Variants in PHKA2 observed in about 807,000 individuals in gnomAD.
PHKA2 encodes phosphorylase kinase regulatory subunit alpha 2, also known as phosphorylase b kinase regulatory subunit alpha, liver isoform.
Under a neutral mutation model 102.0 loss-of-function variants are expected in PHKA2, and 31 were observed. The ratio of observed to expected loss-of-function variants is 0.30; its 90% CI spans 0.23 to 0.41. The LOEUF (loss-of-function observed/expected upper bound fraction) is 0.41. Ranked by LOEUF, PHKA2 falls within the 10% of genes least tolerant of loss-of-function variation. The probability of loss-of-function intolerance (pLI) is 1.00; values close to 1 mark genes in which losing one functional copy is unlikely to be tolerated. For missense variants in PHKA2, 858 were observed against 1,023.1 expected, an observed-to-expected ratio of 0.84 and a Z score of 2.20; for synonymous variants, 455 against 416.2, an observed-to-expected ratio of 1.09 and a Z score of -1.13.
At chrX:18,899,960 G>T (rs1308358367) in intron 28 of PHKA2, among the ~76,000 whole-genome samples, 5 of 111,810 alleles carry the variant, frequency 4.5e-5, no homozygotes, top group African/African-American at 1.6e-4. Context: ...AAATAGAGGC[G>T]GAAGGAACCA....
In PHKA2 at chrX:18,899,082, C is replaced by G. The variant is rs188626552; in HGVS notation, c.3111+91G>C. 1.3e-5 allele frequency: 10 copies of G among 786,208 alleles called. 1 individual carries two copies. The African/African-American group carries it at 2.0e-4, about 16-fold the overall frequency. The allele number at this position is 786,208 out of a possible 1,213,427, so 64.8% of individuals were successfully genotyped here. A position where few individuals can be genotyped will look rare whatever the true frequency, so the allele number is the denominator to read the frequency against. On this transcript the variant is annotated intron_variant, in intron 29 of 32. Transcript: ENST00000379942. ...CCGCTGAAAACACTTCAGCCCTGCT[C>G]GAATCCTCAGAAGTTGGGCATGAGG...
intron 9 of PHKA2, among the ~76,000 whole-genome samples, chrX:18,939,525 A>G (rs1301900072): frequency 9.0e-6 from 1 of 111,440 alleles, no homozygotes; most frequent in Non-Finnish European, 1.9e-5. Context: ...ACGGAGTCTC[A>G]TTCTGTCACC....
rs1370196764 is a variant in PHKA2, at chrX:18,954,316, T to C, written c.175A>G (p.Met59Val). Residue 59 changes from methionine to valine, a missense_variant, in exon 2 of 33, where the codon ATG becomes GTG. This residue lies in a region of PHKA2 where 187 missense variants were observed against 277.9 expected (regional missense o/e 0.67). Coordinates refer to ENST00000379942, the MANE Select transcript of PHKA2 (RefSeq NM_000292.3). ...YSILAVWGLG[M>V]AYRKNADRDE... is the part of the protein sequence containing the mutation. ...CGGTCTGCATTCTTACGGTAGGCCATGCCCAGGCCCCACACGGCCAGGATA... is the reference window on the plus strand; with the variant it reads ...CGGTCTGCATTCTTACGGTAGGCCACGCCCAGGCCCCACACGGCCAGGATA... The C allele has an allele frequency of 8.3e-7, 1 of 1,210,182 alleles. No homozygotes were observed. The highest frequency in any genetic ancestry group is 1.7e-5 in the African/African-American group (1 of 57,379).
At chrX:18,931,513 G>T in intron 12 of PHKA2, 128 bp downstream of exon 12, 1 of 570,299 alleles carries the variant, frequency 1.8e-6, no homozygotes, top group Non-Finnish European at 3.1e-6. Context: ...CGGTCCAGTT[G>T]ACCTTAAACG....
Position 18,945,082 on chromosome X carries a change from G to A in PHKA2, c.614C>T (p.Ala205Val), listed in dbSNP as rs1227182948. ...AACAAACAGGACAACTGTCACCTTGGCCATTCCTACGGAGCTTGCATTCAA... is the reference window on the plus strand; with the variant it reads ...AACAAACAGGACAACTGTCACCTTGACCATTCCTACGGAGCTTGCATTCAA... Reference protein sequence around the residue: ...PELNASSVGMAKAALEAIDEL... With the variant: ...PELNASSVGMVKAALEAIDEL... The change falls in exon 6 of 33, where the codon GCC becomes GTC. Residue 205 changes from alanine (A) to valine (V), a missense_variant. Ala to Val is a moderately conservative substitution (Grantham distance 64). Transcript: ENST00000379942. 8.5e-7 allele frequency: 1 copy of A among 1,175,164 alleles called. No individual in the cohort carries two copies. The highest frequency in any genetic ancestry group is 1.2e-6 in the Non-Finnish European group (1 of 862,013).
At chrX:18,973,169 T>C (rs1417496571) in intron 1 of PHKA2, among the ~76,000 whole-genome samples, 1 of 111,059 alleles carries the variant, frequency 9.0e-6, no homozygotes, top group Non-Finnish European at 1.9e-5. Flanking sequence ...CATCACATCC[T>C]AATTTTTGTA....
chrX:18,907,239 C>A (rs1317716350), intron 22 of PHKA2, 142 bp from the exon 23 acceptor site: 4 of 535,377 alleles, frequency 7.5e-6, no homozygotes, highest in Non-Finnish European at 1.3e-5. Context: ...TGCCCTTGAT[C>A]TGAAAAATTC....
Position 18,910,880 on chromosome X carries a change from G to A in PHKA2, c.2218C>T (p.Leu740=). The A allele has an allele frequency of 1.7e-6, 2 of 1,174,976 alleles. No individual in the cohort carries two copies. Among genetic ancestry groups the A allele is most frequent in the South Asian group, 3.6e-5 (2 of 56,160 alleles). ...TGTTCCATATACTTTACCTTTTCTA[G>A]GAGTGGCTGAGGAGAATCAACAAGA... ...LNLVDSPQPL[L]EKVPESDFQW... Residue 740 remains leucine (L), a synonymous_variant, in exon 20 of 33, where the codon CTA becomes TTA. Coordinates refer to ENST00000379942, the MANE Select transcript of PHKA2 (RefSeq NM_000292.3).
intron 7 of PHKA2, among the ~76,000 whole-genome samples, chrX:18,943,159 G>A (rs138737199): frequency 9.0e-6 from 1 of 111,700 alleles, no homozygotes; most frequent in Non-Finnish European, 1.9e-5. Context: ...GTTTGCTGAG[G>A]GCCTAGCAAT....
At chrX:18,936,942 A>T (rs1475574231) in intron 10 of PHKA2, among the ~76,000 whole-genome samples, 1 of 112,420 alleles carries the variant, frequency 8.9e-6, no homozygotes, top group Non-Finnish European at 1.9e-5. Flanking sequence ...ATCATTGTTA[A>T]GCCTATTCAC....
chrX:18,954,998 C>T (rs1204201936), intron 1 of PHKA2, among the ~76,000 whole-genome samples: 1 of 112,232 alleles, frequency 8.9e-6, no homozygotes, highest in Admixed American at 9.4e-5. Context: ...TTTAAAAGGG[C>T]AACTGAGTCA....
rs2048273666 is a variant in PHKA2, at chrX:18,929,322, C to G, written c.1246-16G>C. On this transcript the variant is annotated splice_polypyrimidine_tract_variant and intron_variant, in intron 12 of 32. Transcript: ENST00000379942. ...CAAGGAATCCCTATGAAAAGAGGAG[C>G]ATTAACACTATGAAATATTGATTAA... The G allele has an allele frequency of 4.8e-6, 5 of 1,051,716 alleles. No individual in the cohort carries two copies. The highest frequency in any genetic ancestry group is 6.5e-6 in the Non-Finnish European group (5 of 764,330). The allele number at this position is 1,051,716 out of a possible 1,213,427, so 86.7% of individuals were successfully genotyped here.
intron 1 of PHKA2, among the ~76,000 whole-genome samples, chrX:18,954,804 T>C (rs760159098): frequency 2.7e-5 from 3 of 112,426 alleles, no homozygotes; most frequent in East Asian, 2.8e-4. Flanking sequence ...TCCGCACTAA[T>C]AGGTAAAGCA....
chrX:18,929,349 T>A, intron 12 of PHKA2, 43 bp from the exon 13 acceptor site: 1 of 864,576 alleles, frequency 1.2e-6, no homozygotes, highest in Non-Finnish European at 1.7e-6. Context: ...ATTGATTAAC[T>A]AAAATTTCAT....
intron 19 of PHKA2, among the ~76,000 whole-genome samples, chrX:18,918,245 G>A (rs1227392530): frequency 8.9e-6 from 1 of 111,994 alleles, no homozygotes; most frequent in Non-Finnish European, 1.9e-5. Context: ...TTTACCTTTC[G>A]AAAAAACAGA....
intron 1 of PHKA2, among the ~76,000 whole-genome samples, chrX:18,975,947 C>T (rs1167089963): frequency 9.3e-6 from 1 of 107,098 alleles, no homozygotes; most frequent in African/African-American, 3.4e-5. Flanking sequence ...TCCCTTCTCA[C>T]TCAGAATAAA....
intron 4 of PHKA2, among the ~76,000 whole-genome samples, chrX:18,950,610 A>G (rs2048665239): frequency 8.9e-6 from 1 of 112,932 alleles, no homozygotes; most frequent in Non-Finnish European, 1.9e-5. Flanking sequence ...ATGGAGAAGC[A>G]TGCTTTTCTT....
intron 28 of PHKA2, 57 bp from the exon 29 acceptor site, chrX:18,899,283 G>C (rs1349029274): frequency 1.0e-6 from 1 of 980,122 alleles, no homozygotes; most frequent in Non-Finnish European, 1.5e-6. Context: ...AGACACAGCA[G>C]AGAGGAGGGT....
intron 17 of PHKA2, 101 bp from the exon 18 acceptor site, chrX:18,920,302 A>G: frequency 5.5e-6 from 3 of 550,339 alleles, no homozygotes; most frequent in Non-Finnish European, 9.9e-6. Flanking sequence ...TGCTTCTGCC[A>G]GAATCAATAC....
Sources: gnomAD v4.1 joint callset for allele counts (sites outside exome capture counted in the v4.1 genomes callset) on GRCh38, gnomAD v4.1.1 for gene constraint, gnomAD v4.1.1 regional missense constraint, MANE v1.5 for transcripts, NCBI Gene and HGNC (gene_info 2026-07-23, HGNC 2026-07-21) for gene names.